Variants in USP12 observed in about 807,000 individuals in gnomAD.
USP12 encodes ubiquitin specific peptidase 12, also known as ubiquitin carboxyl-terminal hydrolase 12.
Under a neutral mutation model 45.5 loss-of-function variants are expected in USP12, and 19 were observed. The observed-to-expected ratio is 0.42, with a 90% CI of 0.29 to 0.61. The LOEUF (loss-of-function observed/expected upper bound fraction) is 0.61. Ranked by LOEUF, USP12 falls within the 20% of genes least tolerant of loss-of-function variation. USP12 has a pLI of 0.22. For missense variants in USP12, 242 were observed against 447.7 expected, an observed-to-expected ratio of 0.54 and a Z score of 4.15; for synonymous variants, 149 against 148.8, an observed-to-expected ratio of 1.00 and a Z score of -0.01.
chr13:27,096,465 T>G (rs1430704606), intron 3 of USP12, among the ~76,000 whole-genome samples: 1 of 152,194 alleles, frequency 6.6e-6, no homozygotes, highest in Non-Finnish European at 1.5e-5. Context: ...CACAAATGAG[T>G]AAATATAACT....
At chr13:27,118,875 C>G (rs1361076885) in intron 1 of USP12, among the ~76,000 whole-genome samples, 1 of 152,176 alleles carries the variant, frequency 6.6e-6, no homozygotes. Flanking sequence ...CTAACCACCC[C>G]ACATGTCCAC....
intron 1 of USP12, among the ~76,000 whole-genome samples, chr13:27,121,732 G>A (rs1042759014): frequency 1.3e-5 from 2 of 151,980 alleles, no homozygotes; most frequent in Non-Finnish European, 2.9e-5. Context: ...ATGGTGGCAG[G>A]CACCTGTAGT....
At position 27,145,209 on chromosome 13, in the gene USP12, T is replaced by G. The variant is rs140473511; in HGVS notation, c.48+26383A>C. On this transcript the variant is annotated intron_variant, in intron 1 of 8. Coordinates refer to ENST00000282344, the MANE Select transcript of USP12 (RefSeq NM_182488.4). ...AGTGTAAGGTATTTCCCAGTGAGTT[T>G]CCTTCTTGAAGAATGACAGGTGGCC... Among the ~76,000 whole-genome samples the G allele has an allele frequency of 1.2e-3, 187 of 152,364 alleles. 1 individual carries two copies. The highest frequency in any genetic ancestry group is 4.2e-3 in the African/African-American group (174 of 41,586).
rs182684803 is a variant in USP12 at position 27,103,454 on chromosome 13, G to C, written c.343+2277C>G. On this transcript the variant is annotated intron_variant, in intron 3 of 8. Coordinates refer to ENST00000282344, the MANE Select transcript of USP12 (RefSeq NM_182488.4). ...TATTAAGCATTATTTCTGAAGTTTA[G>C]AAAAATGAAGCAAAACTTATGAGAA... is the stretch of plus-strand genomic sequence containing the variant. Among the ~76,000 whole-genome samples, 112 of 151,766 alleles carry C rather than the reference G, an allele frequency of 7.4e-4. 1 individual carries two copies. The highest frequency in any genetic ancestry group is 3.4e-3 in the Middle Eastern group (1 of 294).
intron 1 of USP12, among the ~76,000 whole-genome samples, chr13:27,126,841 C>A (rs1876261100): frequency 6.6e-6 from 1 of 152,196 alleles, no homozygotes; most frequent in South Asian, 2.1e-4. Flanking sequence ...ACAAGACTTG[C>A]AACATGGCTT....
At chr13:27,099,827 G>A (rs1345970073) in intron 3 of USP12, among the ~76,000 whole-genome samples, 3 of 152,152 alleles carry the variant, frequency 2.0e-5, no homozygotes, top group East Asian at 3.9e-4. Context: ...TTAGCCTGAG[G>A]GACCCATTAG....
chr13:27,170,904 G>T (rs745743555), intron 1 of USP12, among the ~76,000 whole-genome samples: 1 of 152,224 alleles, frequency 6.6e-6, no homozygotes, highest in Admixed American at 6.5e-5. Context: ...AGGAGAAAAT[G>T]GAGAGAATTT....
At chr13:27,070,083 T>C (rs1873171880) in intron 8 of USP12, among the ~76,000 whole-genome samples, 1 of 152,204 alleles carries the variant, frequency 6.6e-6, no homozygotes, top group South Asian at 2.1e-4. Flanking sequence ...AAAGTCAAAT[T>C]TCTAACTTGG....
chr13:27,133,626 CA>C (rs11365356), intron 1 of USP12, among the ~76,000 whole-genome samples: 48,534 of 103,618 alleles, frequency 0.47, 8,281 homozygotes, highest in East Asian at 0.69. Flanking sequence ...GACTCTGTCT[CA>C]AAAAAAAAAA....
At chr13:27,157,172 A>G (rs1259696755) in intron 1 of USP12, among the ~76,000 whole-genome samples, 1 of 152,230 alleles carries the variant, frequency 6.6e-6, no homozygotes, top group Non-Finnish European at 1.5e-5. Flanking sequence ...ATTCTGCGTA[A>G]TAGTTATTTT....
chr13:27,093,438 C>T (rs925653169), intron 4 of USP12, among the ~76,000 whole-genome samples: 1 of 152,106 alleles, frequency 6.6e-6, no homozygotes, highest in African/African-American at 2.4e-5. Flanking sequence ...AGATGATCAA[C>T]ATCATATGTC....
At position 27,143,466 on chromosome 13, in the gene USP12, A is replaced by G. The variant is rs376564074; in HGVS notation, c.49-26870T>C. On this transcript the variant is annotated intron_variant, in intron 1 of 8. Transcript: ENST00000282344. ...CCTACTAATAAACATGAAAAAAACA[A>G]CAGAATTAGAAAAATACCATTTTGC... Among the ~76,000 whole-genome samples the G allele has an allele frequency of 7.9e-5, 12 of 152,356 alleles. No individual in the cohort carries two copies. The East Asian group carries it at 2.3e-3, about 29-fold the overall frequency.
chr13:27,098,398 A>T (rs565368279), intron 3 of USP12, among the ~76,000 whole-genome samples: 1 of 152,312 alleles, frequency 6.6e-6, no homozygotes, highest in African/African-American at 2.4e-5. Flanking sequence ...CAAGAAAAAA[A>T]ATTTTAAAAA....
At chr13:27,124,005 A>G (rs758926744) in intron 1 of USP12, among the ~76,000 whole-genome samples, 9 of 152,218 alleles carry the variant, frequency 5.9e-5, no homozygotes, top group Middle Eastern at 3.2e-3. Flanking sequence ...TATTTTGATA[A>G]TATAAAAGTA....
At chr13:27,081,470 TCCA>T (rs1246540165) in intron 6 of USP12, among the ~76,000 whole-genome samples, 1 of 152,216 alleles carries the variant, frequency 6.6e-6, no homozygotes, top group East Asian at 1.9e-4. Context: ...TCTTGCTGTT[TCCA>T]CCACATCTAC....
chr13:27,143,330 C>G (rs1340073346), intron 1 of USP12, among the ~76,000 whole-genome samples: 1 of 152,040 alleles, frequency 6.6e-6, no homozygotes, highest in Non-Finnish European at 1.5e-5. Flanking sequence ...CACATTGATT[C>G]CTTATTCTGA....
chr13:27,168,062 G>C (rs1029867149), intron 1 of USP12, among the ~76,000 whole-genome samples: 5 of 152,166 alleles, frequency 3.3e-5, no homozygotes, highest in Non-Finnish European at 5.9e-5. Flanking sequence ...CCATGCTCAG[G>C]GTGCTGTGCT....
At chr13:27,098,845 TA>T (rs1420011134) in intron 3 of USP12, among the ~76,000 whole-genome samples, 2 of 152,212 alleles carry the variant, frequency 1.3e-5, no homozygotes, top group Admixed American at 1.3e-4. Context: ...GGGCAACGGT[TA>T]AAATGGAAAC....
intron 1 of USP12, among the ~76,000 whole-genome samples, chr13:27,149,137 C>G (rs1246500883): frequency 6.6e-6 from 1 of 152,046 alleles, no homozygotes; most frequent in African/African-American, 2.4e-5. Flanking sequence ...AAGACAAGAT[C>G]ACAGCACTGC....
Sources: allele counts gnomAD v4.1 joint callset (sites outside exome capture counted in the v4.1 genomes callset), GRCh38; gene constraint gnomAD v4.1.1; transcripts MANE v1.5; gene names NCBI Gene and HGNC (gene_info 2026-07-23, HGNC 2026-07-21).